ROBO1: variants seen among roughly 807,000 people sequenced by gnomAD.
ROBO1 encodes roundabout homolog 1.
A neutral mutation model predicts 195.9 loss-of-function variants in ROBO1; 149 were observed. That is an observed-to-expected ratio of 0.76 (90% CI 0.67 to 0.87). The LOEUF is 0.87. ROBO1 is among the 40% of genes least tolerant of loss of function. The pLI is 0.00. For missense variants in ROBO1, 1,933 were observed against 2,068.3 expected, an observed-to-expected ratio of 0.93 and a Z score of 1.27; for synonymous variants, 816 against 733.2, an observed-to-expected ratio of 1.11 and a Z score of -1.82.
chr3:79,165,532 G>A (rs1270866336), intron 2 of ROBO1, among the ~76,000 whole-genome samples: 1 of 152,210 alleles, frequency 6.6e-6, no homozygotes, highest in Non-Finnish European at 1.5e-5. Context: ...TCAGAAATCA[G>A]TGTCAAAACG....
chr3:79,411,185 G>A lies in ROBO1; in HGVS notation c.88+178639C>T, dbSNP rs150939174. Among the ~76,000 whole-genome samples, 6 of 152,210 alleles carry A rather than the reference G, an allele frequency of 3.9e-5. No homozygotes were observed. In the East Asian group the frequency reaches 1.2e-3, roughly 29 times the overall value. ...ACATTTCCACCTGTGATGACCTATA[G>A]GGTGATAAACTGTAGAAAAGACATT... On this transcript the variant is annotated intron_variant, in intron 2 of 30. Coordinates refer to ENST00000464233, the MANE Select transcript of ROBO1 (RefSeq NM_002941.4).
At chr3:79,158,460 A>T (rs1278273692) in intron 2 of ROBO1, among the ~76,000 whole-genome samples, 2 of 151,520 alleles carry the variant, frequency 1.3e-5, no homozygotes, top group South Asian at 2.1e-4. Flanking sequence ...TATCACATAT[A>T]TTAGTAATTT....
intron 4 of ROBO1, among the ~76,000 whole-genome samples, chr3:78,858,049 GCCTCCAGCTCCCAGCTAACTCA>G (rs2034561076): frequency 6.6e-6 from 1 of 152,110 alleles, no homozygotes; most frequent in South Asian, 2.1e-4. Flanking sequence ...AATATCGGAT[GCCTCCAGCTCCCAGCTAACTCA>G]CCACCCCACC....
At chr3:78,871,137 T>G (rs148810352) in intron 4 of ROBO1, among the ~76,000 whole-genome samples, 18 of 152,240 alleles carry the variant, frequency 1.2e-4, no homozygotes, top group African/African-American at 4.3e-4. Context: ...AGTCACCTTC[T>G]GAAAGAAAGC....
chr3:78,659,917 GCTTTT>G (rs747571663), intron 16 of ROBO1, 110 bp from the exon 17 acceptor site: 4 of 542,634 alleles, frequency 7.4e-6, no homozygotes, highest in African/African-American at 6.4e-5. Flanking sequence ...ATCAATATAT[GCTTTT>G]TTTTTTTTTT....
chr3:78,728,378 T>C (rs1201966732), intron 5 of ROBO1, among the ~76,000 whole-genome samples: 1 of 152,104 alleles, frequency 6.6e-6, no homozygotes. Flanking sequence ...ATGACAGCAC[T>C]GTACCCCAAG....
chr3:78,831,903 G>A (rs186292577), intron 4 of ROBO1, among the ~76,000 whole-genome samples: 45 of 152,154 alleles, frequency 3.0e-4, no homozygotes, highest in Middle Eastern at 3.4e-3. Context: ...GGAAAGACCC[G>A]TCCCCATGAT....
intron 2 of ROBO1, among the ~76,000 whole-genome samples, chr3:79,181,229 C>T (rs998406748): frequency 2.6e-5 from 4 of 152,140 alleles, no homozygotes; most frequent in African/African-American, 9.7e-5. Context: ...CTGTGTGAAC[C>T]CACATCAGAT....
At chr3:79,358,498 G>A (rs2035645893) in intron 2 of ROBO1, among the ~76,000 whole-genome samples, 2 of 151,976 alleles carry the variant, frequency 1.3e-5, no homozygotes, top group East Asian at 3.9e-4. Flanking sequence ...ATTTGTGACT[G>A]GGGAAGCTTT....
chr3:78,729,666 T>C (rs1337630692), intron 5 of ROBO1, among the ~76,000 whole-genome samples: 1 of 152,186 alleles, frequency 6.6e-6, no homozygotes, highest in Non-Finnish European at 1.5e-5. Flanking sequence ...TCCCCAGGTG[T>C]CTGGTTCCCA....
chr3:78,666,036 G>T (rs1413168956), intron 14 of ROBO1, among the ~76,000 whole-genome samples: 2 of 152,068 alleles, frequency 1.3e-5, no homozygotes, highest in Non-Finnish European at 2.9e-5. Context: ...CCGTGCTGCT[G>T]TTCTCGTGAT....
chr3:79,421,743 A>C (rs1271539089), intron 2 of ROBO1, among the ~76,000 whole-genome samples: 1 of 152,198 alleles, frequency 6.6e-6, no homozygotes, highest in East Asian at 1.9e-4. Context: ...ATGCAAATAG[A>C]TACATTAAAA....
chr3:78,884,479 A>AT (rs1315341818), intron 4 of ROBO1, among the ~76,000 whole-genome samples: 1 of 151,828 alleles, frequency 6.6e-6, no homozygotes, highest in South Asian at 2.1e-4. Context: ...TCAGCGAGGC[A>AT]TGGTGGCACA....
intron 3 of ROBO1, among the ~76,000 whole-genome samples, chr3:79,060,149 T>G (rs1009030347): frequency 6.6e-6 from 1 of 151,956 alleles, no homozygotes; most frequent in Non-Finnish European, 1.5e-5. Context: ...TCCCCAGGCT[T>G]GCTAGGATTG....
intron 3 of ROBO1, among the ~76,000 whole-genome samples, chr3:79,021,861 C>T (rs2078110299): frequency 6.6e-6 from 1 of 152,056 alleles, no homozygotes; most frequent in African/African-American, 2.4e-5. Flanking sequence ...GGGGTTTCAC[C>T]GTGTTAGCCA....
At chr3:79,122,747 A>C (rs575706469) in intron 3 of ROBO1, among the ~76,000 whole-genome samples, 1 of 151,980 alleles carries the variant, frequency 6.6e-6, no homozygotes, top group Non-Finnish European at 1.5e-5. Context: ...ATTGAAAAAA[A>C]GGATAATTAG....
In ROBO1 at chr3:78,641,744, T is replaced by C. The variant is rs371589184; in HGVS notation, c.2883-1846A>G. ...GAGATTTTCCACAGACTGACTTACA[T>C]GTTTCAAAAGAAATAGACAATATTT... On this transcript the variant is annotated intron_variant, in intron 21 of 30. Coordinates refer to ENST00000464233, the MANE Select transcript of ROBO1 (RefSeq NM_002941.4). Among the ~76,000 whole-genome samples the C allele has an allele frequency of 3.3e-4, 50 of 152,290 alleles. 1 individual carries two copies. The highest frequency in any genetic ancestry group is 6.8e-3 in the Middle Eastern group (2 of 294).
chr3:79,632,244 C>T (rs4856291), intron 1 of ROBO1, among the ~76,000 whole-genome samples: 131,281 of 152,138 alleles, frequency 0.86, 56,696 homozygotes, highest in East Asian at 0.9. Flanking sequence ...TGTCTACCAG[C>T]AATTGATTGG....
chr3:78,759,388 T>C (rs2083031394), intron 4 of ROBO1: 1 of 106,238 alleles, frequency 9.4e-6, no homozygotes, highest in African/African-American at 3.6e-5. Flanking sequence ...AATAGAACAC[T>C]TAAAAAAAAA....
Sources: allele counts gnomAD v4.1 joint callset (sites outside exome capture counted in the v4.1 genomes callset), GRCh38; gene constraint gnomAD v4.1.1; transcripts MANE v1.5; gene names NCBI Gene and HGNC (gene_info 2026-07-23, HGNC 2026-07-21).